MYLK4: variants seen among roughly 807,000 people sequenced by gnomAD.
The protein encoded by MYLK4 is myosin light chain kinase family member 4.
Under a neutral mutation model 48.1 loss-of-function variants are expected in MYLK4, and 46 were observed. The ratio of observed to expected loss-of-function variants is 0.96; its 90% CI spans 0.75 to 1.22. MYLK4 has a LOEUF of 1.22. MYLK4 is among the 50% of genes most tolerant of loss of function. The pLI is 0.00. For synonymous variants in MYLK4, 170 were observed against 180.8 expected, an observed-to-expected ratio of 0.94 and a Z score of 0.48; for missense variants, 451 against 486.1, an observed-to-expected ratio of 0.93 and a Z score of 0.68.
chr6:2,762,337 T>C, the MYLK4 span, among the ~76,000 whole-genome samples: 2 of 152,246 alleles, frequency 1.3e-5, no homozygotes, highest in Non-Finnish European at 2.9e-5. Context: ...AAACACGTCC[T>C]AAGAGACTTA....
Position 2,672,513 on chromosome 6 carries a change from C to T in MYLK4, c.1120-1165G>A, listed in dbSNP as rs1760937184. ...GCTTTTAAGCTTGAAGCAAAAGAGA[C>T]AAATAAAAATATACGAAAGACTCAA... On this transcript the variant is annotated intron_variant, in intron 11 of 12. Transcript: ENST00000274643. The surrounding 1 kb of genome is among the most constrained non-coding windows in gnomAD (Gnocchi z 4.3). Among the ~76,000 whole-genome samples, 1 of 151,960 alleles carries T rather than the reference C, an allele frequency of 6.6e-6. No homozygotes were observed. The highest frequency in any genetic ancestry group is 1.5e-5 in the Non-Finnish European group (1 of 67,986).
At chr6:2,693,769 T>A (rs1761904923) in intron 2 of MYLK4, among the ~76,000 whole-genome samples, 1 of 151,640 alleles carries the variant, frequency 6.6e-6, no homozygotes, top group Non-Finnish European at 1.5e-5. Context: ...TTTTTTTTTT[T>A]TTTTTGAGAT....
chr6:2,691,540 C>T (rs1309459375), intron 3 of MYLK4, among the ~76,000 whole-genome samples: 1 of 152,150 alleles, frequency 6.6e-6, no homozygotes, highest in Non-Finnish European at 1.5e-5. Context: ...TTCATCCTCA[C>T]AATATTTGGG....
At chr6:2,726,532 A>G (rs1283324136) in intron 2 of MYLK4, among the ~76,000 whole-genome samples, 1 of 152,094 alleles carries the variant, frequency 6.6e-6, no homozygotes, top group East Asian at 1.9e-4. Flanking sequence ...CAAATATGAG[A>G]AGTCAAAGTG....
chr6:2,668,352 C>T (rs572990687), intron 12 of MYLK4, among the ~76,000 whole-genome samples: 6 of 152,222 alleles, frequency 3.9e-5, no homozygotes, highest in South Asian at 2.1e-4. Flanking sequence ...ACCTGGGGCC[C>T]GCACACGGCT....
chr6:2,695,927 C>G (rs1050510251), intron 2 of MYLK4, among the ~76,000 whole-genome samples: 9 of 152,212 alleles, frequency 5.9e-5, no homozygotes, highest in African/African-American at 2.2e-4. Context: ...AAGTTTCTGA[C>G]CCAATCCTGA....
chr6:2,727,150 TCTCA>T (rs1685214641), intron 2 of MYLK4, among the ~76,000 whole-genome samples: 1 of 152,144 alleles, frequency 6.6e-6, no homozygotes, highest in African/African-American at 2.4e-5. Context: ...CTCTTTCTGG[TCTCA>T]CTGTCAGTTT....
chr6:2,670,569 T>G (rs555087930), intron 12 of MYLK4, among the ~76,000 whole-genome samples: 43 of 152,318 alleles, frequency 2.8e-4, no homozygotes, highest in African/African-American at 9.6e-4. Context: ...CATAAGTACA[T>G]GTGCCTCTTA....
intron 2 of MYLK4, among the ~76,000 whole-genome samples, chr6:2,733,404 A>G (rs573723268): frequency 2.7e-4 from 41 of 152,336 alleles, no homozygotes; most frequent in African/African-American, 9.9e-4. Flanking sequence ...AGAGACCAGC[A>G]GACCTCAGAA....
chr6:2,705,686 C>T (rs1193693469), intron 2 of MYLK4, among the ~76,000 whole-genome samples: 1 of 152,008 alleles, frequency 6.6e-6, no homozygotes, highest in African/African-American at 2.4e-5. Flanking sequence ...GAAGGCAGAA[C>T]AAGAAGAAAT....
At chr6:2,765,494 C>G in the MYLK4 span, 1 of 1,192,146 alleles carries the variant, frequency 8.4e-7, no homozygotes, top group Admixed American at 4.4e-5. Flanking sequence ...CTCCTCCGGC[C>G]CGCGAGCGTC....
upstream of MYLK4, among the ~76,000 whole-genome samples, chr6:2,755,526 G>T (rs1026273888): frequency 6.6e-6 from 1 of 152,072 alleles, no homozygotes; most frequent in African/African-American, 2.4e-5. Context: ...TTAGGAAATG[G>T]TCATTCCGTT....
intron 2 of MYLK4, among the ~76,000 whole-genome samples, chr6:2,738,510 A>C (rs1561878632): frequency 6.6e-6 from 1 of 152,214 alleles, no homozygotes; most frequent in Non-Finnish European, 1.5e-5. Context: ...CGTTCCAACA[A>C]TTAGGATTAG....
intron 3 of MYLK4, among the ~76,000 whole-genome samples, chr6:2,689,753 A>G (rs551745289): frequency 2.6e-4 from 40 of 152,388 alleles, no homozygotes; most frequent in African/African-American, 9.4e-4. Context: ...CATGCATACA[A>G]TAAGAATACA....
chr6:2,727,226 G>A (rs1456460493), intron 2 of MYLK4, among the ~76,000 whole-genome samples: 1 of 152,142 alleles, frequency 6.6e-6, no homozygotes, highest in African/African-American at 2.4e-5. Context: ...CCCTTTTAAA[G>A]CAAAATGAAG....
At chr6:2,724,503 G>A (rs985394528) in intron 2 of MYLK4, among the ~76,000 whole-genome samples, 6 of 152,140 alleles carry the variant, frequency 3.9e-5, no homozygotes, top group Admixed American at 6.5e-5. Flanking sequence ...AAGTGTGAAG[G>A]GTCGGTAAAA....
intron 2 of MYLK4, among the ~76,000 whole-genome samples, chr6:2,707,780 C>A (rs1376372007): frequency 3.3e-5 from 5 of 152,008 alleles, no homozygotes; most frequent in African/African-American, 1.2e-4. Context: ...CTAAGAAAAT[C>A]TGCATTCTAT....
intron 2 of MYLK4, among the ~76,000 whole-genome samples, chr6:2,709,012 T>C (rs1762585840): frequency 6.6e-6 from 1 of 152,172 alleles, no homozygotes; most frequent in Non-Finnish European, 1.5e-5. Flanking sequence ...CTGTTAGTGG[T>C]ACTCATCATT....
intron 2 of MYLK4, among the ~76,000 whole-genome samples, chr6:2,694,512 G>GTGGTGGTAGTGGTAATGATGGTGGTGA (rs1561845882): frequency 3.2e-5 from 1 of 31,604 alleles, no homozygotes; most frequent in Non-Finnish European, 7.0e-5. Context: ...GGTGGTGGTG[G>GTGGTGGTAGTGGTAATGATGGTGGTGA]CGGTGGTGGT....
Sources: allele counts gnomAD v4.1 joint callset (sites outside exome capture counted in the v4.1 genomes callset), GRCh38; gene constraint gnomAD v4.1.1; non-coding constraint Gnocchi (gnomAD v3.1); transcripts MANE v1.5; gene names NCBI Gene and HGNC (gene_info 2026-07-23, HGNC 2026-07-21).